GABRG2: variants seen among roughly 807,000 people sequenced by gnomAD.
GABRG2 encodes gamma-aminobutyric acid receptor subunit gamma-2.
Under a neutral mutation model 56.4 loss-of-function variants are expected in GABRG2, and 16 were observed. The observed-to-expected ratio is 0.28, with a 90% CI of 0.19 to 0.43. The LOEUF is 0.43. GABRG2 is among the 20% of genes least tolerant of loss of function. The pLI is 1.00. For synonymous variants in GABRG2, 208 were observed against 205.5 expected, an observed-to-expected ratio of 1.01 and a Z score of -0.10; for missense variants, 327 against 582.7, an observed-to-expected ratio of 0.56 and a Z score of 4.52.
chr5:162,067,714 C>G (rs1245564797), upstream of GABRG2: 3 of 605,288 alleles, frequency 5.0e-6, no homozygotes, highest in Non-Finnish European at 8.8e-6. Flanking sequence ...CCGTATGAGT[C>G]TCTCCTTGTA....
chr5:162,079,966 A>G (rs1759518936), intron 1 of GABRG2, among the ~76,000 whole-genome samples: 1 of 152,060 alleles, frequency 6.6e-6, no homozygotes, highest in African/African-American at 2.4e-5. Context: ...TTTTAAACCC[A>G]TAAACGCACA....
chr5:162,133,232 A>G (rs922479947), intron 6 of GABRG2, among the ~76,000 whole-genome samples: 3 of 152,128 alleles, frequency 2.0e-5, no homozygotes, highest in East Asian at 1.9e-4. Flanking sequence ...AAAAAGCTCT[A>G]TGTACCACTT....
intron 1 of GABRG2, among the ~76,000 whole-genome samples, chr5:162,083,932 TA>T (rs1300410605): frequency 2.0e-5 from 3 of 151,900 alleles, no homozygotes; most frequent in African/African-American, 7.2e-5. Flanking sequence ...AAAATTATTT[TA>T]TTTAATGCAT....
intron 6 of GABRG2, among the ~76,000 whole-genome samples, chr5:162,109,760 T>C (rs1413136779): frequency 6.6e-6 from 1 of 152,128 alleles, no homozygotes; most frequent in Non-Finnish European, 1.5e-5. Context: ...ATTATTCTTT[T>C]TGTCATGTTG....
chr5:162,118,660 A>G (rs1762786905), intron 6 of GABRG2, among the ~76,000 whole-genome samples: 2 of 152,096 alleles, frequency 1.3e-5, no homozygotes, highest in African/African-American at 4.8e-5. Flanking sequence ...AAATAAATGA[A>G]TCATTTCTCC....
intron 6 of GABRG2, among the ~76,000 whole-genome samples, chr5:162,129,966 A>G (rs1228240678): frequency 6.6e-6 from 1 of 151,956 alleles, no homozygotes; most frequent in Non-Finnish European, 1.5e-5. Context: ...GATCACACAA[A>G]GTCACATATA....
intron 6 of GABRG2, among the ~76,000 whole-genome samples, chr5:162,119,183 T>A (rs1011312254): frequency 3.3e-5 from 5 of 152,168 alleles, no homozygotes; most frequent in Non-Finnish European, 5.9e-5. Context: ...ATTAAAACAT[T>A]CAGTGCGTTC....
chr5:162,125,613 C>T (rs1453884401), intron 6 of GABRG2, among the ~76,000 whole-genome samples: 1 of 151,524 alleles, frequency 6.6e-6, no homozygotes, highest in Non-Finnish European at 1.5e-5. Context: ...GTCAGTTGTC[C>T]AAAGAACAGC....
intron 1 of GABRG2, among the ~76,000 whole-genome samples, chr5:162,073,103 T>C (rs1439248254): frequency 6.6e-6 from 1 of 151,908 alleles, no homozygotes; most frequent in African/African-American, 2.4e-5. Context: ...CTACAACAGA[T>C]ACTTTACATC....
rs1422258733 is a variant in GABRG2 at position 162,153,311 on chromosome 5, C to G, written c.1371C>G (p.Phe457Leu). 1 of 1,613,930 alleles carries G rather than the reference C, an allele frequency of 6.2e-7. No individual in the cohort carries two copies. Among genetic ancestry groups the G allele is most frequent in the African/African-American group, 1.3e-5 (1 of 74,902 alleles). The change falls in exon 10 of 10, where the codon TTC becomes TTG. Residue 457 changes from phenylalanine (F) to leucine (L), a missense_variant. Around this residue, in one of 4 missense-constraint regions of GABRG2, gnomAD observed 108 missense variants for 144.2 expected, o/e 0.75. Transcript: ENST00000639213. ...TGGACTCCTATGCTCGGATCTTCTT[C>G]CCCACTGCCTTCTGCCTGTTTAATC... ...AKMDSYARIF[F>L]PTAFCLFNLV...
At chr5:162,134,322 T>C (rs960917552) in intron 6 of GABRG2, among the ~76,000 whole-genome samples, 3 of 149,676 alleles carry the variant, frequency 2.0e-5, no homozygotes, top group Non-Finnish European at 4.5e-5. Context: ...TCTAACTCTC[T>C]TTTTTGAATA....
intron 6 of GABRG2, among the ~76,000 whole-genome samples, chr5:162,105,139 G>A (rs1761704894): frequency 6.6e-6 from 1 of 152,062 alleles, no homozygotes; most frequent in African/African-American, 2.4e-5. Context: ...TTTGCGTATG[G>A]AATAATTTGG....
intron 1 of GABRG2, among the ~76,000 whole-genome samples, chr5:162,078,272 C>G (rs1481753733): frequency 6.7e-6 from 1 of 149,862 alleles, no homozygotes; most frequent in Non-Finnish European, 1.5e-5. Context: ...TGTATCCTCA[C>G]AAATAGTGTT....
intron 6 of GABRG2, among the ~76,000 whole-genome samples, chr5:162,124,661 G>C (rs1763202496): frequency 6.6e-6 from 1 of 151,784 alleles, no homozygotes; most frequent in African/African-American, 2.4e-5. Flanking sequence ...AAGGAAACAT[G>C]AGGAGTGAAG....
intron 1 of GABRG2, among the ~76,000 whole-genome samples, chr5:162,082,118 A>G (rs528570038): frequency 6.6e-6 from 1 of 151,950 alleles, no homozygotes; most frequent in African/African-American, 2.4e-5. Context: ...TTCTGCCTTG[A>G]TACTACTGGT....
At position 162,104,045 on chromosome 5, in the gene GABRG2, G is replaced by T; in HGVS notation, c.769+19G>T. On this transcript the variant is annotated intron_variant, in intron 6 of 9. Coordinates refer to ENST00000639213, the MANE Select transcript of GABRG2 (RefSeq NM_198904.4). ...ACTTCCGGTAAGATGCACTGGCAAAGAATTTCAAGTGACCCTTCCAGAGTT... is the reference window on the plus strand; with the variant it reads ...ACTTCCGGTAAGATGCACTGGCAAATAATTTCAAGTGACCCTTCCAGAGTT... 6.2e-7 allele frequency: 1 copy of T among 1,613,586 alleles called. No individual in the cohort carries two copies. The highest frequency in any genetic ancestry group is 8.5e-7 in the Non-Finnish European group (1 of 1,179,668).
At chr5:162,151,200 CAG>C (rs1255859524) in intron 8 of GABRG2, 1 of 154,282 alleles carries the variant, frequency 6.5e-6, no homozygotes, top group Non-Finnish European at 1.4e-5. Flanking sequence ...GAAGAAAAGG[CAG>C]AGGAGAACAG....
intron 6 of GABRG2, among the ~76,000 whole-genome samples, chr5:162,119,339 A>G (rs893482675): frequency 6.6e-6 from 1 of 152,144 alleles, no homozygotes; most frequent in Non-Finnish European, 1.5e-5. Context: ...TTCTCTCCAG[A>G]TAATTTCTGT....
Position 162,096,268 on chromosome 5 carries a change from A to C in GABRG2, c.327+706A>C, listed in dbSNP as rs1245790630. The stretch of plus-strand genomic sequence containing the variant: ...TTGTTTAGTCATTAAACAAATTCTA[A>C]CTTCTTTATAACCATAATTCTCAGA... On this transcript the variant is annotated intron_variant, in intron 3 of 9. Coordinates refer to ENST00000639213, the MANE Select transcript of GABRG2 (RefSeq NM_198904.4). Among the ~76,000 whole-genome samples the C allele has an allele frequency of 2.0e-5, 3 of 152,144 alleles. No homozygotes were observed. The East Asian group carries it at 5.8e-4, about 29-fold the overall frequency.
Sources: allele counts gnomAD v4.1 joint callset (sites outside exome capture counted in the v4.1 genomes callset), GRCh38; gene constraint gnomAD v4.1.1; regional missense constraint gnomAD v4.1.1; transcripts MANE v1.5; gene names NCBI Gene and HGNC (gene_info 2026-07-23, HGNC 2026-07-21).